Variants in NUGGC observed in about 807,000 individuals in gnomAD.
The protein encoded by NUGGC is nuclear GTPase SLIP-GC.
NUGGC carries 58 observed loss-of-function variants against 92.6 expected under a neutral mutation model. The observed-to-expected ratio is 0.63, with a 90% CI of 0.51 to 0.78. The LOEUF is 0.78. Ranked by LOEUF, NUGGC falls within the 30% of genes least tolerant of loss-of-function variation. NUGGC has a pLI of 0.00. For synonymous variants in NUGGC, 376 were observed against 366.4 expected (o/e 1.03, Z -0.30); for missense variants, 925 against 964.6 (o/e 0.96, Z 0.54).
intron 18 of NUGGC, 35 bp from the exon 19 acceptor site, chr8:28,023,497 G>T (rs376549983): frequency 6.3e-7 from 1 of 1,588,384 alleles, no homozygotes; most frequent in Admixed American, 1.8e-5. Context: ...TCAGGACTTG[G>T]TGTCCGTTGC....
rs1416753982 is a variant in NUGGC at position 28,074,395 on chromosome 8, C to T, written c.16G>A (p.Asp6Asn). Residue 6 changes from aspartate to asparagine, a missense_variant, in exon 2 of 19, where the codon GAT (aspartate) becomes AAT (asparagine). Physicochemically the swap from Asp to Asn is conservative, Grantham distance 23. Transcript: ENST00000413272. ...GGATGCGGTTCCTGGCCAAAAACAT[C>T]CTTCGTTTCTGCCATTCCTTGTTAC... MAETKDVFGQEPHPVE... is the reference protein window; with the variant it reads MAETKNVFGQEPHPVE... 3 of 1,613,738 alleles carry T rather than the reference C, an allele frequency of 1.9e-6. No individual in the cohort carries two copies.
At chr8:28,081,117 G>A (rs1810839876) in intron 1 of NUGGC, among the ~76,000 whole-genome samples, 2 of 152,196 alleles carry the variant, frequency 1.3e-5, no homozygotes, top group South Asian at 4.1e-4. Flanking sequence ...TCAGGAGTTC[G>A]AGACCAGCCT....
chr8:28,041,400 G>C (rs1204647337), intron 12 of NUGGC, among the ~76,000 whole-genome samples, 185 bp from the exon 13 acceptor site: 2 of 152,218 alleles, frequency 1.3e-5, no homozygotes, highest in Non-Finnish European at 2.9e-5. Context: ...TGTGGGGTTA[G>C]AGAATAGAAC....
intron 1 of NUGGC, among the ~76,000 whole-genome samples, chr8:28,076,498 T>A (rs567088285): frequency 6.6e-6 from 1 of 152,348 alleles, no homozygotes; most frequent in African/African-American, 2.4e-5. Flanking sequence ...GGTTTCACCA[T>A]GTTGGCCAGG....
At chr8:28,068,732 T>G (rs571644143) in intron 4 of NUGGC, among the ~76,000 whole-genome samples, 3 of 152,274 alleles carry the variant, frequency 2.0e-5, no homozygotes, top group Admixed American at 1.3e-4. Context: ...TGCATATTCT[T>G]TTTTTTGTTT....
intron 10 of NUGGC, among the ~76,000 whole-genome samples, chr8:28,048,405 TTTTG>T (rs372762448): frequency 3.5e-4 from 53 of 151,620 alleles, no homozygotes; most frequent in African/African-American, 1.2e-3. Flanking sequence ...CTTTTGGGTT[TTTTG>T]TTTGTTTGTT....
Position 28,045,542 on chromosome 8 carries a change from G to A in NUGGC, c.1431C>T (p.Ser477=). ...TCTTCCATACCGGCAGGTTTTGCGT[G>A]GAGTTGAAACTATCTGTGAGGAGCA... ...GLLLLTDSFN[S]TQNLPNEHLH... The change falls in exon 12 of 19, where the codon TCC becomes TCT. Residue 477 remains serine (S), a synonymous_variant. Coordinates refer to ENST00000413272, the MANE Select transcript of NUGGC (RefSeq NM_001010906.2). 2 of 1,612,136 alleles carry A rather than the reference G, an allele frequency of 1.2e-6. No homozygotes were observed. The highest frequency in any genetic ancestry group is 2.2e-5 in the East Asian group (1 of 44,850).
chr8:28,022,245 G>C lies in NUGGC; in HGVS notation c.*1072C>G, dbSNP rs1809136525. 7.2e-6 allele frequency: 1 copy of C among 138,192 alleles called. No homozygotes were observed. The highest frequency in any genetic ancestry group is 1.5e-5 in the Non-Finnish European group (1 of 65,352). 8.6% of individuals were successfully genotyped at this position (138,192 alleles called of 1,614,324 possible). On this transcript the variant is annotated 3_prime_UTR_variant, in exon 19 of 19. Transcript: ENST00000413272. ...GCGACCTTGGCTCACTGCAACCTAT[G>C]CCTCCTGGGTTCAAGCGATTCTCCT...
At chr8:28,076,913 A>C (rs1197216174) in intron 1 of NUGGC, among the ~76,000 whole-genome samples, 3 of 152,236 alleles carry the variant, frequency 2.0e-5, no homozygotes, top group Non-Finnish European at 4.4e-5. Flanking sequence ...TAACATTCTC[A>C]ACTAATCAGA....
At chr8:28,058,402 G>T in intron 8 of NUGGC, 126 bp from the exon 9 acceptor site, 1 of 199,626 alleles carries the variant, frequency 5.0e-6, no homozygotes, top group South Asian at 1.5e-4. Flanking sequence ...TTCTTTCTTT[G>T]ACCCAATGCT....
At chr8:28,046,992 CAG>C (rs1386893431) in intron 11 of NUGGC, among the ~76,000 whole-genome samples, 3 of 151,276 alleles carry the variant, frequency 2.0e-5, no homozygotes, top group Non-Finnish European at 4.4e-5. Context: ...TGTTTTGAGA[CAG>C]AGTTTCACTC....
intron 8 of NUGGC, among the ~76,000 whole-genome samples, chr8:28,060,085 T>A (rs1042901484): frequency 1.3e-5 from 2 of 151,250 alleles, no homozygotes; most frequent in South Asian, 4.2e-4. Context: ...TATGGGGGCA[T>A]CTACACTTTC....
rs553261053 is a variant in NUGGC at position 28,026,039 on chromosome 8, AT to A, written c.2245+922del. Among the ~76,000 whole-genome samples the A allele has an allele frequency of 5.9e-3, 899 of 152,242 alleles. 15 individuals carry two copies. Among genetic ancestry groups the A allele is most frequent in the African/African-American group, 0.02 (849 of 41,540 alleles). On this transcript the variant is annotated intron_variant, in intron 18 of 18. Transcript: ENST00000413272. ...TCACAAATGGCAACATACCATATACATTTACTCACTTTGCTGTTTTCCACTT... is the reference window on the plus strand; with the variant it reads ...TCACAAATGGCAACATACCATATACATTACTCACTTTGCTGTTTTCCACTT...
rs1218619197 is a variant in NUGGC at position 28,022,634 on chromosome 8, G to C, written c.*683C>G. The C allele has an allele frequency of 6.6e-6, 1 of 152,144 alleles. No individual in the cohort carries two copies. The highest frequency in any genetic ancestry group is 2.4e-5 in the African/African-American group (1 of 41,430). The allele number at this position is 152,144 out of a possible 1,614,324, so 9.4% of individuals were successfully genotyped here. A position where few individuals can be genotyped will look rare whatever the true frequency, so the allele number is the denominator to read the frequency against. On this transcript the variant is annotated 3_prime_UTR_variant, in exon 19 of 19. Transcript: ENST00000413272. ...GTCCTCTATTAGATTTCACAAAACA[G>C]AAAGAATTCTGAGCCAGGCACAATG... is the stretch of plus-strand genomic sequence containing the variant.
intron 6 of NUGGC, 123 bp from the exon 7 acceptor site, chr8:28,064,854 G>A: frequency 1.3e-6 from 1 of 761,776 alleles, no homozygotes; most frequent in Admixed American, 2.2e-5. Context: ...TCCAACAGGA[G>A]GCCTGCAATC....
intron 1 of NUGGC, among the ~76,000 whole-genome samples, chr8:28,076,439 C>A (rs1193163153): frequency 6.6e-6 from 1 of 152,156 alleles, no homozygotes; most frequent in Non-Finnish European, 1.5e-5. Flanking sequence ...GCTGGGATTA[C>A]AGGCATTGCA....
chr8:28,031,976 G>A (rs566339600), intron 14 of NUGGC, among the ~76,000 whole-genome samples: 14 of 152,306 alleles, frequency 9.2e-5, no homozygotes, highest in African/African-American at 3.4e-4. Context: ...AAAGACAGAA[G>A]CCACTCCTTA....
chr8:28,041,034 C>T lies in NUGGC; in HGVS notation c.1611+17G>A. 1 of 1,586,428 alleles carries T rather than the reference C, an allele frequency of 6.3e-7. No homozygotes were observed. Among genetic ancestry groups the T allele is most frequent in the Non-Finnish European group, 8.6e-7 (1 of 1,164,600 alleles). On this transcript the variant is annotated intron_variant, in intron 13 of 18. Transcript: ENST00000413272. ...GCCTCCTGGAATATCTGAGTTTTCC[C>T]TGGAAGGGTCACTCACCACCAAGCA...
In NUGGC at chr8:28,069,563, T is replaced by C. The variant is rs989930427; in HGVS notation, c.238A>G (p.Asn80Asp). Residue 80 changes from asparagine to aspartate, a missense_variant, in exon 4 of 19, where the codon AAT becomes GAT. Transcript: ENST00000413272. ...QSVFLDDSIP[N>D]GVKYLINRLL... The stretch of plus-strand genomic sequence containing the variant: ...ACTCACATGAGATACTTGACTCCAT[T>C]AGGGATGCTGTCATCCAGGAAGACA... The C allele has an allele frequency of 3.1e-6, 5 of 1,587,756 alleles. No individual in the cohort carries two copies. The highest frequency in any genetic ancestry group is 4.5e-5 in the East Asian group (2 of 44,758).
Sources: gnomAD v4.1 joint callset for allele counts (sites outside exome capture counted in the v4.1 genomes callset) on GRCh38, gnomAD v4.1.1 for gene constraint, MANE v1.5 for transcripts, NCBI Gene and HGNC (gene_info 2026-07-23, HGNC 2026-07-21) for gene names.